RABGEF1: variants seen among roughly 807,000 people sequenced by gnomAD.
The protein encoded by RABGEF1 is rab5 GDP/GTP exchange factor.
RABGEF1 carries 26 observed loss-of-function variants against 57.3 expected under a neutral mutation model. The ratio of observed to expected loss-of-function variants is 0.45; its 90% confidence interval spans 0.33 to 0.63. RABGEF1 has a LOEUF of 0.63. RABGEF1 is among the 20% of genes least tolerant of loss of function. RABGEF1 has a pLI of 0.02. For synonymous variants in RABGEF1, 185 were observed against 210.7 expected (o/e 0.88, Z 1.06); for missense variants, 464 against 607.6 (o/e 0.76, Z 2.48).
chr7:66,738,449 C>G (rs189896484), upstream of RABGEF1, among the ~76,000 whole-genome samples: 4 of 152,112 alleles, frequency 2.6e-5, no homozygotes, highest in African/African-American at 9.7e-5. Flanking sequence ...TCATTCTGGG[C>G]CCAGGGGTCT....
the RABGEF1 span, among the ~76,000 whole-genome samples, chr7:66,670,692 A>G: frequency 6.6e-6 from 1 of 151,984 alleles, no homozygotes. Flanking sequence ...CTAAAAATAC[A>G]AAAGTTAGCT....
In RABGEF1 at chr7:66,761,129, T is replaced by G. The variant is rs1393631188; in HGVS notation, c.-17-10754T>G. Among the ~76,000 whole-genome samples the G allele has an allele frequency of 2.0e-5, 3 of 152,282 alleles. No individual in the cohort carries two copies. The East Asian group carries it at 5.8e-4, about 29-fold the overall frequency. ...TTTTCCTCTGCTCACGCCACAGGAATCATCAACACAGAAGACTTCCATGAC... is the reference window on the plus strand; with the variant it reads ...TTTTCCTCTGCTCACGCCACAGGAAGCATCAACACAGAAGACTTCCATGAC... On this transcript the variant is annotated intron_variant, in intron 1 of 8. Transcript: ENST00000284957.
chr7:66,799,455 C>T (rs1420171576), intron 7 of RABGEF1, 41 bp downstream of exon 7: 1 of 1,470,458 alleles, frequency 6.8e-7, no homozygotes, highest in Non-Finnish European at 9.5e-7. Flanking sequence ...ATGTTTTCCC[C>T]TTAAAGTTAA....
chr7:66,696,756 G>A (rs118006240), intron 1 of RABGEF1, among the ~76,000 whole-genome samples: 93 of 152,064 alleles, frequency 6.1e-4, no homozygotes, highest in Non-Finnish European at 1.3e-3. Flanking sequence ...GGAAACACTG[G>A]CAGGCATGGG....
chr7:66,676,357 T>C, the RABGEF1 span, among the ~76,000 whole-genome samples: 1 of 152,092 alleles, frequency 6.6e-6, no homozygotes, highest in African/African-American at 2.4e-5. Context: ...TGTTCCAGGA[T>C]GCCCACATAT....
intron 1 of RABGEF1, among the ~76,000 whole-genome samples, chr7:66,707,467 C>T (rs1562719583): frequency 6.6e-6 from 1 of 152,060 alleles, no homozygotes. Flanking sequence ...CCAAGGCAGG[C>T]AGATCACCTC....
chr7:66,721,579 T>A (rs1438769251), intron 2 of RABGEF1, among the ~76,000 whole-genome samples: 3 of 152,134 alleles, frequency 2.0e-5, no homozygotes, highest in Non-Finnish European at 4.4e-5. Flanking sequence ...TTATCACATC[T>A]CTTTTTCTGA....
chr7:66,799,990 G>A (rs943952458), intron 7 of RABGEF1, among the ~76,000 whole-genome samples: 3 of 152,076 alleles, frequency 2.0e-5, no homozygotes, highest in Non-Finnish European at 2.9e-5. Context: ...CTCATTCATG[G>A]GAATGAACCA....
Position 66,797,374 on chromosome 7 carries a change from T to C in RABGEF1, c.596T>C (p.Val199Ala), listed in dbSNP as rs752810461. ...VAERMQTRGK[V>A]PPERVEKIMD... ...TCTTTTCTCTGTCTGGTTATTTCAG[T>C]GCCTCCAGAAAGAGTCGAGAAGATA... Residue 199 changes from valine (V) to alanine (A), a missense_variant and splice_region_variant, in exon 6 of 9, where the codon GTG becomes GCG. Around this residue, in one of 4 missense-constraint regions of RABGEF1, gnomAD observed 284 missense variants for 389.9 expected, o/e 0.73. Coordinates refer to ENST00000284957, the MANE Select transcript of RABGEF1 (RefSeq NM_014504.3). 6.2e-7 allele frequency: 1 copy of C among 1,604,384 alleles called. No individual in the cohort carries two copies. The highest frequency in any genetic ancestry group is 8.5e-7 in the Non-Finnish European group (1 of 1,177,656).
upstream of RABGEF1, among the ~76,000 whole-genome samples, chr7:66,737,097 A>AGC (rs34892493): frequency 0.013 from 1,912 of 147,264 alleles, 41 homozygotes; most frequent in East Asian, 0.088. Flanking sequence ...CGAGAGCGAG[A>AGC]GAGAGAGAGA....
At chr7:66,786,069 C>T (rs1811118421) in intron 4 of RABGEF1, among the ~76,000 whole-genome samples, 1 of 152,164 alleles carries the variant, frequency 6.6e-6, no homozygotes, top group South Asian at 2.1e-4. Flanking sequence ...CTGCATCCCA[C>T]AGTATTATTC....
At chr7:66,783,311 T>C (rs757709721) in intron 3 of RABGEF1, among the ~76,000 whole-genome samples, 7 of 152,256 alleles carry the variant, frequency 4.6e-5, no homozygotes, top group South Asian at 2.1e-4. Flanking sequence ...ATTCTATTTG[T>C]TGACTAGTTT....
chr7:66,734,844 G>A (rs1797763806), intron 2 of RABGEF1, among the ~76,000 whole-genome samples: 1 of 152,096 alleles, frequency 6.6e-6, no homozygotes, highest in Non-Finnish European at 1.5e-5. Context: ...TGCTCGGTTG[G>A]TCACTCCTGC....
intron 4 of RABGEF1, among the ~76,000 whole-genome samples, chr7:66,788,926 G>T (rs1584133284): frequency 6.6e-6 from 1 of 152,012 alleles, no homozygotes; most frequent in African/African-American, 2.4e-5. Context: ...TTGTACTCCA[G>T]CCTGGGCAAC....
intron 2 of RABGEF1, among the ~76,000 whole-genome samples, chr7:66,713,041 C>T (rs757645737): frequency 6.6e-6 from 1 of 151,900 alleles, no homozygotes; most frequent in Admixed American, 6.6e-5. Flanking sequence ...TCTCGAACTC[C>T]TGGGCTCAAG....
chr7:66,803,061 T>C (rs140601808), intron 7 of RABGEF1, among the ~76,000 whole-genome samples: 161 of 152,270 alleles, frequency 1.1e-3, no homozygotes, highest in African/African-American at 3.6e-3. Flanking sequence ...ATAAGTTCCA[T>C]ATAAGTAGAA....
rs562668144 is a variant in RABGEF1 at position 66,700,169 on chromosome 7, C to T, written c.-872-11998C>T. Among the ~76,000 whole-genome samples the T allele has an allele frequency of 2.0e-5, 3 of 152,338 alleles. No individual in the cohort carries two copies. The South Asian group carries it at 6.2e-4, about 32-fold the overall frequency. On this transcript the variant is annotated intron_variant and NMD_transcript_variant, in intron 1 of 9. Transcript: ENST00000607882. The stretch of plus-strand genomic sequence containing the variant: ...CAGCCAGACCCTGCACATTCCAGCC[C>T]TGGTTCATTCTGGATCCAAGCACTG...
chr7:66,748,969 C>A, intron 1 of RABGEF1: 1 of 199,744 alleles, frequency 5.0e-6, no homozygotes. Context: ...TGCTGCTTTG[C>A]TGGCTGGGTT....
chr7:66,807,800 G>A (rs1178664788), intron 8 of RABGEF1: 1 of 152,198 alleles, frequency 6.6e-6, no homozygotes, highest in Non-Finnish European at 1.5e-5. Context: ...CTACTCAGAT[G>A]AATCAGATTT....
Sources: gnomAD v4.1 joint callset for allele counts (sites outside exome capture counted in the v4.1 genomes callset) on GRCh38, gnomAD v4.1.1 for gene constraint, gnomAD v4.1.1 regional missense constraint, MANE v1.5 for transcripts, NCBI Gene and HGNC (gene_info 2026-07-23, HGNC 2026-07-21) for gene names.